Variants in ZNF208 observed in about 807,000 individuals in gnomAD.
The protein encoded by ZNF208 is zinc finger protein 208.
Under a neutral mutation model 12.1 loss-of-function variants are expected in ZNF208, and 10 were observed. The ratio of observed to expected loss-of-function variants is 0.83; its 90% confidence interval spans 0.51 to 1.40. The LOEUF is 1.40. Ranked by LOEUF, ZNF208 falls within the 40% of genes most tolerant of loss-of-function variation. The probability of loss-of-function intolerance (pLI) is 0.00; values close to 1 mark genes in which losing one functional copy is unlikely to be tolerated. For synonymous variants in ZNF208, 497 were observed against 488.4 expected, an observed-to-expected ratio of 1.02 and a Z score of -0.23; for missense variants, 1,652 against 1,485.0, an observed-to-expected ratio of 1.11 and a Z score of -1.85.
chr19:21,984,906 T>C (rs1970608637), intron 3 of ZNF208, among the ~76,000 whole-genome samples: 1 of 152,004 alleles, frequency 6.6e-6, no homozygotes, highest in African/African-American at 2.4e-5. Context: ...ACTAAAGAAA[T>C]AGAATGCGAC....
chr19:21,952,367 A>T (rs2145517902), intron 4 of ZNF208, among the ~76,000 whole-genome samples: 1 of 152,268 alleles, frequency 6.6e-6, no homozygotes, highest in African/African-American at 2.4e-5. Context: ...CCTGACCCCC[A>T]TGTAGCCTAA....
At chr19:21,996,491 T>C (rs1335691875) in intron 1 of ZNF208, among the ~76,000 whole-genome samples, 1 of 152,200 alleles carries the variant, frequency 6.6e-6, no homozygotes, top group Non-Finnish European at 1.5e-5. Context: ...GAGAAAAACG[T>C]AATTGTGCTC....
At chr19:22,007,763 G>A (rs1403451437) in intron 1 of ZNF208, among the ~76,000 whole-genome samples, 5 of 152,022 alleles carry the variant, frequency 3.3e-5, no homozygotes, top group Admixed American at 3.3e-4. Context: ...ACTTTGGGAG[G>A]CCAAGGCAGG....
At chr19:21,955,171 C>T (rs1436844706) in intron 4 of ZNF208, among the ~76,000 whole-genome samples, 1 of 152,232 alleles carries the variant, frequency 6.6e-6, no homozygotes, top group Non-Finnish European at 1.5e-5. Context: ...CCATTCTCTT[C>T]TGGCTTGTAG....
At chr19:21,980,147 T>G (rs1323100977) in intron 3 of ZNF208, among the ~76,000 whole-genome samples, 1 of 151,808 alleles carries the variant, frequency 6.6e-6, no homozygotes, top group Non-Finnish European at 1.5e-5. Context: ...AATATCCCAG[T>G]GTCAATATTA....
Position 21,981,540 on chromosome 19 carries a change from G to T in ZNF208, c.226+5676C>A, listed in dbSNP as rs191374412. ...ATGCTAAAAACTTGCAATAAACTAGGTATAGATGGAACGTATCTCAAAATA... is the reference window on the plus strand; with the variant it reads ...ATGCTAAAAACTTGCAATAAACTAGTTATAGATGGAACGTATCTCAAAATA... On this transcript the variant is annotated intron_variant, in intron 3 of 3. Transcript: ENST00000397126. Among the ~76,000 whole-genome samples, 615 of 152,260 alleles carry T rather than the reference G, an allele frequency of 4.0e-3. 2 individuals carry two copies. The highest frequency in any genetic ancestry group is 6.8e-3 in the Non-Finnish European group (464 of 68,010).
At chr19:22,001,765 C>T (rs1482833044) in intron 1 of ZNF208, among the ~76,000 whole-genome samples, 1 of 151,192 alleles carries the variant, frequency 6.6e-6, no homozygotes, top group Non-Finnish European at 1.5e-5. Context: ...TGGTAGCACA[C>T]ACCTGTAATC....
At chr19:21,999,683 T>C (rs1024055822) in intron 1 of ZNF208, among the ~76,000 whole-genome samples, 1 of 151,728 alleles carries the variant, frequency 6.6e-6, no homozygotes, top group Admixed American at 6.6e-5. Context: ...AAAAAACCAA[T>C]ATTTTGCCAA....
chr19:21,986,147 TTTA>T lies in ZNF208; in HGVS notation c.226+1066_226+1068del. 4.6e-5 allele frequency among the ~76,000 whole-genome samples: 7 copies of T among 152,332 alleles called. No homozygotes were observed. The South Asian group carries it at 1.4e-3, about 32-fold the overall frequency. Reference sequence around the variant, plus strand: ...TTGTGTTCATTGTCAATGCTTCTATTTTAACACAGCACTTGAAGTATGTGGAAG... The same window carrying T: ...TTGTGTTCATTGTCAATGCTTCTATTACACAGCACTTGAAGTATGTGGAAG... On this transcript the variant is annotated intron_variant, in intron 3 of 3. Coordinates refer to ENST00000397126, the MANE Select transcript of ZNF208 (RefSeq NM_007153.3).
intron 3 of ZNF208, among the ~76,000 whole-genome samples, chr19:21,983,974 A>G (rs894989240): frequency 3.3e-5 from 5 of 152,136 alleles, no homozygotes; most frequent in African/African-American, 1.2e-4. Flanking sequence ...CGTTCTGCAC[A>G]TGTACCCCAG....
Position 21,967,953 on chromosome 19 carries a change from C to T in ZNF208, c.*3238G>A, listed in dbSNP as rs576705483. On this transcript the variant is annotated 3_prime_UTR_variant, in exon 4 of 4. Transcript: ENST00000397126. ...TGTTGTTCTTTGTAGAGATATTTTA[C>T]CCCCTTGATTTAATGTATTTCTAGG... The T allele has an allele frequency of 6.6e-6, 1 of 152,148 alleles. No homozygotes were observed. Among genetic ancestry groups the T allele is most frequent in the East Asian group, 1.9e-4 (1 of 5,166 alleles). The allele number at this position is 152,148 out of a possible 1,614,324, so 9.4% of individuals were successfully genotyped here.
rs377166338 is a variant in ZNF208, at chr19:21,973,820, C to A, written c.1214G>T (p.Gly405Val). ...KPYKCEECGK[G>V]FSMFSILTKH... ...AGTAAGGATTGAGAACATACTAAAA[C>A]CTTTGCCACATTCTTCACATTTGTA... The change falls in exon 4 of 4, where the codon GGT becomes GTT. Residue 405 changes from glycine to valine, a missense_variant. By Grantham distance (109) the Gly-to-Val change is moderately radical (BLOSUM62 -3). Around this residue, in one of 3 missense-constraint regions of ZNF208, gnomAD observed 1,239 missense variants for 1,086.2 expected, o/e 1.14. Transcript: ENST00000397126. 2.5e-6 allele frequency: 4 copies of A among 1,601,160 alleles called. No individual in the cohort carries two copies. The highest frequency in any genetic ancestry group is 4.5e-5 in the East Asian group (2 of 44,256).
At chr19:21,999,720 GT>G (rs1970908414) in intron 1 of ZNF208, among the ~76,000 whole-genome samples, 1 of 151,776 alleles carries the variant, frequency 6.6e-6, no homozygotes, top group Non-Finnish European at 1.5e-5. Context: ...TGAATCTCAG[GT>G]CCCAGATAAA....
intron 2 of ZNF208, 81 bp from the exon 3 acceptor site, chr19:21,987,392 T>G: frequency 1.5e-6 from 2 of 1,308,740 alleles, no homozygotes; most frequent in Non-Finnish European, 2.0e-6. Flanking sequence ...GTAAAGAGGA[T>G]GTAATAGAAT....
At chr19:21,952,184 GC>G (rs1162628819) in intron 4 of ZNF208, among the ~76,000 whole-genome samples, 4 of 152,196 alleles carry the variant, frequency 2.6e-5, no homozygotes, top group African/African-American at 9.6e-5. Context: ...GTTCAGCAAG[GC>G]CTACTGCCTC....
chr19:21,990,587 G>A (rs893881837), intron 1 of ZNF208, among the ~76,000 whole-genome samples: 1 of 152,024 alleles, frequency 6.6e-6, no homozygotes, highest in Admixed American at 6.6e-5. Context: ...CTCTTTTTTG[G>A]TTCCATATGA....
intron 4 of ZNF208, among the ~76,000 whole-genome samples, chr19:21,956,459 G>A (rs919453542): frequency 3.9e-5 from 6 of 152,216 alleles, no homozygotes; most frequent in African/African-American, 1.2e-4. Flanking sequence ...AGGCAGGCAG[G>A]CCTCCTTGAG....
At chr19:22,002,099 A>G (rs1970964588) in intron 1 of ZNF208, among the ~76,000 whole-genome samples, 1 of 152,052 alleles carries the variant, frequency 6.6e-6, no homozygotes, top group Non-Finnish European at 1.5e-5. Context: ...GACAGAAAGC[A>G]CAAGATTATC....
At chr19:21,983,203 A>G (rs188521852) in intron 3 of ZNF208, among the ~76,000 whole-genome samples, 2 of 152,340 alleles carry the variant, frequency 1.3e-5, no homozygotes, top group Non-Finnish European at 1.5e-5. Flanking sequence ...AAAGGATATG[A>G]ACAGACATTT....
Sources: allele counts gnomAD v4.1 joint callset (sites outside exome capture counted in the v4.1 genomes callset), GRCh38; gene constraint gnomAD v4.1.1; regional missense constraint gnomAD v4.1.1; transcripts MANE v1.5; gene names NCBI Gene and HGNC (gene_info 2026-07-23, HGNC 2026-07-21).